The following FAF1 variants were observed in gnomAD, a reference collection of about 807,000 sequenced individuals.
The protein encoded by FAF1 is FAS-associated factor 1.
In FAF1, 25 loss-of-function variants were observed where a neutral mutation model predicts 92.5. The ratio of observed to expected loss-of-function variants is 0.27; its 90% CI spans 0.20 to 0.38. FAF1 has a LOEUF of 0.38. Ranked by LOEUF, FAF1 falls within the 10% of genes least tolerant of loss-of-function variation. FAF1 has a pLI of 1.00. For missense variants in FAF1, 636 were observed against 793.3 expected (o/e 0.80, Z 2.38); for synonymous variants, 234 against 273.2 (o/e 0.86, Z 1.42).
At chr1:50,887,577 G>C (rs1478072607) in intron 1 of FAF1, among the ~76,000 whole-genome samples, 1 of 152,202 alleles carries the variant, frequency 6.6e-6, no homozygotes, top group Non-Finnish European at 1.5e-5. Context: ...AAGGGATCCA[G>C]TTTCAGCTTT....
At chr1:50,695,800 G>C (rs541463189) in intron 7 of FAF1, among the ~76,000 whole-genome samples, 1 of 151,814 alleles carries the variant, frequency 6.6e-6, no homozygotes, top group Non-Finnish European at 1.5e-5. Context: ...AGGAACCCAC[G>C]ACCACACCTG....
chr1:50,735,168 TTGA>T (rs1486479962), intron 6 of FAF1, among the ~76,000 whole-genome samples: 1 of 152,214 alleles, frequency 6.6e-6, no homozygotes, highest in Non-Finnish European at 1.5e-5. Context: ...CAATAAGTCA[TTGA>T]TGAACTGAAT....
intron 8 of FAF1, among the ~76,000 whole-genome samples, chr1:50,624,218 G>GC (rs1382790109): frequency 1.3e-5 from 2 of 152,060 alleles, no homozygotes; most frequent in Non-Finnish European, 2.9e-5. Flanking sequence ...CGTGATCTCA[G>GC]CTCACTGCAA....
Position 50,441,179 on chromosome 1 carries a change from T to C in FAF1, c.*261A>G, listed in dbSNP as rs576649758. 2 of 375,612 alleles carry C rather than the reference T, an allele frequency of 5.3e-6. No homozygotes were observed. Among genetic ancestry groups the C allele is most frequent in the South Asian group, 6.7e-5 (1 of 14,928 alleles). The allele number at this position is 375,612 out of a possible 1,614,324, so 23.3% of individuals were successfully genotyped here. A position where few individuals can be genotyped will look rare whatever the true frequency, so the allele number is the denominator to read the frequency against. On this transcript the variant is annotated 3_prime_UTR_variant, in exon 19 of 19. Transcript: ENST00000396153. ...TCACACTTGAACAATGCATTCGTCA[T>C]TGAAGGAGGGTGAAGTGCAGGGGGT...
intron 13 of FAF1, among the ~76,000 whole-genome samples, chr1:50,560,826 G>A (rs1649867270): frequency 6.6e-6 from 1 of 152,194 alleles, no homozygotes; most frequent in Admixed American, 6.5e-5. Context: ...CTTATTACTG[G>A]TTAATACTGG....
At chr1:50,797,132 T>C (rs976929519) in intron 3 of FAF1, among the ~76,000 whole-genome samples, 1 of 151,808 alleles carries the variant, frequency 6.6e-6, no homozygotes, top group Middle Eastern at 3.2e-3. Flanking sequence ...TGAGACCTCA[T>C]CTCAAAAAAA....
intron 12 of FAF1, among the ~76,000 whole-genome samples, chr1:50,573,759 A>G (rs748337786): frequency 6.6e-6 from 1 of 151,928 alleles, no homozygotes; most frequent in Non-Finnish European, 1.5e-5. Flanking sequence ...TCTTGAGGAC[A>G]CAGATATCTG....
intron 1 of FAF1, among the ~76,000 whole-genome samples, chr1:50,955,036 T>C (rs1312006694): frequency 1.3e-5 from 2 of 152,210 alleles, no homozygotes; most frequent in African/African-American, 4.8e-5. Flanking sequence ...GAGAAGACTC[T>C]AGACCAAAAG....
intron 8 of FAF1, among the ~76,000 whole-genome samples, chr1:50,636,379 C>A (rs1278960794): frequency 2.5e-5 from 2 of 79,878 alleles, no homozygotes; most frequent in Non-Finnish European, 4.5e-5. Flanking sequence ...GGGGCGTGTC[C>A]TTTTTTTTTT....
chr1:50,647,164 C>T (rs777600830), intron 8 of FAF1, among the ~76,000 whole-genome samples: 37 of 152,176 alleles, frequency 2.4e-4, no homozygotes, highest in Middle Eastern at 3.4e-3. Flanking sequence ...CTCCGGACTT[C>T]TACATTTGAG....
In FAF1 at chr1:50,460,808, A is replaced by ATGTGTG. The variant is rs61176999; in HGVS notation, c.1869+14650_1869+14655dup. Among the ~76,000 whole-genome samples the ATGTGTG allele has an allele frequency of 2.2e-3, 324 of 147,014 alleles. 1 individual carries two copies. Among genetic ancestry groups the ATGTGTG allele is most frequent in the African/African-American group, 7.7e-3 (311 of 40,270 alleles). On this transcript the variant is annotated intron_variant, in intron 18 of 18. Coordinates refer to ENST00000396153, the MANE Select transcript of FAF1 (RefSeq NM_007051.3). ...ACCATGCCCAGCTAAGTATTTGTAT[A>ATGTGTG]TGTGTGTGTGTGTGTGTGTGTGTGT...
intron 1 of FAF1, among the ~76,000 whole-genome samples, chr1:50,950,788 T>C (rs1295646904): frequency 2.0e-5 from 3 of 152,258 alleles, no homozygotes; most frequent in African/African-American, 7.2e-5. Context: ...CCTGAAGATC[T>C]ACTACATGAC....
chr1:50,948,043 C>T (rs2124759723), intron 1 of FAF1, among the ~76,000 whole-genome samples: 1 of 152,106 alleles, frequency 6.6e-6, no homozygotes, highest in Admixed American at 6.5e-5. Context: ...GACAATCTAA[C>T]ATAAGACTCA....
At chr1:50,643,896 C>T (rs1228322769) in intron 8 of FAF1, among the ~76,000 whole-genome samples, 1 of 151,984 alleles carries the variant, frequency 6.6e-6, no homozygotes, top group African/African-American at 2.4e-5. Context: ...GCCCCCACTC[C>T]CACCCTGCCA....
chr1:50,957,705 T>C (rs1645280410), intron 1 of FAF1, among the ~76,000 whole-genome samples: 1 of 152,092 alleles, frequency 6.6e-6, no homozygotes, highest in Non-Finnish European at 1.5e-5. Context: ...TTGCTTTGCC[T>C]GAGTACAAGA....
chr1:50,499,019 C>A (rs1378039941), intron 15 of FAF1, among the ~76,000 whole-genome samples: 1 of 151,998 alleles, frequency 6.6e-6, no homozygotes, highest in Non-Finnish European at 1.5e-5. Flanking sequence ...ATGGTATATA[C>A]CTACAGTGGA....
intron 1 of FAF1, among the ~76,000 whole-genome samples, chr1:50,861,435 A>C (rs1019007163): frequency 2.0e-5 from 3 of 151,836 alleles, no homozygotes; most frequent in Non-Finnish European, 4.4e-5. Context: ...CATTATCCTT[A>C]GTGAAATGAC....
intron 4 of FAF1, among the ~76,000 whole-genome samples, chr1:50,762,952 C>G (rs569652206): frequency 1.3e-5 from 2 of 152,230 alleles, no homozygotes; most frequent in Admixed American, 1.3e-4. Context: ...TGATAAATCT[C>G]TCTTTTAAAA....
chr1:50,594,050 C>T (rs1463842061), intron 9 of FAF1, among the ~76,000 whole-genome samples: 1 of 152,172 alleles, frequency 6.6e-6, no homozygotes, highest in Non-Finnish European at 1.5e-5. Flanking sequence ...TGGTGGCTCA[C>T]ACCTGTAATC....
Sources: allele counts gnomAD v4.1 joint callset (sites outside exome capture counted in the v4.1 genomes callset), GRCh38; gene constraint gnomAD v4.1.1; transcripts MANE v1.5; gene names NCBI Gene and HGNC (gene_info 2026-07-23, HGNC 2026-07-21).